The following ST6GAL2 variants were observed in gnomAD, a reference collection of about 807,000 sequenced individuals.
ST6GAL2 encodes ST6 beta-galactoside alpha-2,6-sialyltransferase 2, also known as beta-galactoside alpha-2,6-sialyltransferase 2.
A neutral mutation model predicts 37.5 loss-of-function variants in ST6GAL2; 24 were observed. The ratio of observed to expected loss-of-function variants is 0.64; its 90% CI spans 0.46 to 0.90. The LOEUF is 0.90. ST6GAL2 is among the 40% of genes least tolerant of loss of function. The pLI, the probability that ST6GAL2 is intolerant of heterozygous loss-of-function variation, is 0.00. For missense variants in ST6GAL2, 715 were observed against 712.7 expected (o/e 1.00, Z -0.04); for synonymous variants, 306 against 295.1 (o/e 1.04, Z -0.38).
chr2:106,830,138 G>C lies in ST6GAL2; in HGVS notation c.1246C>G (p.Gln416Glu). 2 of 1,613,962 alleles carry C rather than the reference G, an allele frequency of 1.2e-6. No individual in the cohort carries two copies. The highest frequency in any genetic ancestry group is 2.2e-5 in the East Asian group (1 of 44,870). Residue 416 changes from glutamine (Q) to glutamate (E), a missense_variant, in exon 5 of 6, where the codon CAG becomes GAG. Gln to Glu is a conservative substitution (Grantham distance 29). Around this residue, in one of 3 missense-constraint regions of ST6GAL2, gnomAD observed 198 missense variants for 203.6 expected, o/e 0.97. Transcript: ENST00000409382. ...FYILHPKFIW[Q>E]LWDIIQENTK... ...TTCTCCTGGATAATATCCCAGAGCT[G>C]CCATATAAATTTAGGATGAAGAATG...
chr2:106,887,012 TC>T (rs1679032005), upstream of ST6GAL2: 1 of 152,204 alleles, frequency 6.6e-6, no homozygotes, highest in Non-Finnish European at 1.5e-5. Flanking sequence ...CCTGGACACC[TC>T]CGGGGCACTC....
At chr2:106,813,130 T>C in intron 5 of ST6GAL2, 2 of 1,226,570 alleles carry the variant, frequency 1.6e-6, no homozygotes, top group Non-Finnish European at 1.0e-6. Flanking sequence ...TTTTTTTTTT[T>C]GAGATGGAGT....
Position 106,806,525 on chromosome 2 carries a change from T to C in ST6GAL2, c.*153A>G. On this transcript the variant is annotated 3_prime_UTR_variant, in exon 6 of 6. Coordinates refer to ENST00000409382, the MANE Select transcript of ST6GAL2 (RefSeq NM_001142351.2). ...GTTCAAAGCAGTAATACATACTCAA[T>C]GGCTTAGAAAGAGAAGGATTATCAT... 2 of 871,708 alleles carry C rather than the reference T, an allele frequency of 2.3e-6. No individual in the cohort carries two copies. The highest frequency in any genetic ancestry group is 1.7e-5 in the South Asian group (1 of 57,410). 54.0% of individuals were successfully genotyped at this position (871,708 alleles called of 1,614,324 possible). A position where few individuals can be genotyped will look rare whatever the true frequency, so the allele number is the denominator to read the frequency against.
Position 106,876,022 on chromosome 2 carries a change from T to C in ST6GAL2, c.-58+10071A>G, listed in dbSNP as rs147235095. Among the ~76,000 whole-genome samples, 5 of 152,330 alleles carry C rather than the reference T, an allele frequency of 3.3e-5. No individual in the cohort carries two copies. In the East Asian group the frequency reaches 9.7e-4, roughly 29 times the overall value. ...GTTCTGTCCCCAGGCTGAAATGCAC[T>C]GGAACAATCATAGCTCACTGCAATC... On this transcript the variant is annotated intron_variant, in intron 1 of 5. Transcript: ENST00000409382.
intron 1 of ST6GAL2, among the ~76,000 whole-genome samples, chr2:106,877,453 T>A (rs760876487): frequency 6.6e-6 from 1 of 152,252 alleles, no homozygotes; most frequent in African/African-American, 2.4e-5. Flanking sequence ...CGCCCAAGCG[T>A]CTGAACACAT....
intron 1 of ST6GAL2, among the ~76,000 whole-genome samples, chr2:106,861,764 G>A (rs1677809005): frequency 6.6e-6 from 1 of 151,684 alleles, no homozygotes; most frequent in South Asian, 2.1e-4. Flanking sequence ...CCGAATAGCC[G>A]GGATTCCAGG....
Position 106,834,071 on chromosome 2 carries a change from G to C in ST6GAL2, c.1019C>G (p.Thr340Ser). ...TACCTGCGAATTAATGATGCGTATG[G>C]TGGTTTTATTCCCAACATCTTTCTC... ...GYEKDVGNKT[T>S]IRIINSQILT... is the part of the protein sequence containing the mutation. Residue 340 changes from threonine to serine, a missense_variant, in exon 3 of 6, where the codon ACC becomes AGC. Thr to Ser is a moderately conservative substitution (Grantham distance 58, BLOSUM62 1). Coordinates refer to ENST00000409382, the MANE Select transcript of ST6GAL2 (RefSeq NM_001142351.2). 6.2e-7 allele frequency: 1 copy of C among 1,613,290 alleles called. No homozygotes were observed. Among genetic ancestry groups the C allele is most frequent in the Non-Finnish European group, 8.5e-7 (1 of 1,179,358 alleles).
chr2:106,876,581 A>C (rs1013020618), intron 1 of ST6GAL2, among the ~76,000 whole-genome samples: 4 of 152,200 alleles, frequency 2.6e-5, no homozygotes, highest in African/African-American at 9.6e-5. Context: ...TATAAATCAG[A>C]ATAGTGAGTA....
chr2:106,802,012 G>C lies in ST6GAL2; in HGVS notation c.*4666C>G, dbSNP rs936793716. 6.6e-6 allele frequency: 1 copy of C among 152,198 alleles called. No individual in the cohort carries two copies. The highest frequency in any genetic ancestry group is 1.5e-5 in the Non-Finnish European group (1 of 68,034). The allele number at this position is 152,198 out of a possible 1,614,324, so 9.4% of individuals were successfully genotyped here. A position where few individuals can be genotyped will look rare whatever the true frequency, so the allele number is the denominator to read the frequency against. On this transcript the variant is annotated 3_prime_UTR_variant, in exon 6 of 6. Coordinates refer to ENST00000409382, the MANE Select transcript of ST6GAL2 (RefSeq NM_001142351.2). ...TTTGAAAGCCATGAGCTACAGCTAA[G>C]CTTCCCTTCAAAGTTCAGTGTTAAA... is the stretch of plus-strand genomic sequence containing the variant.
At chr2:106,837,406 C>A (rs368766153) in intron 2 of ST6GAL2, among the ~76,000 whole-genome samples, 11 of 152,320 alleles carry the variant, frequency 7.2e-5, no homozygotes, top group African/African-American at 2.6e-4. Context: ...ACCACCAGTG[C>A]AAATGTCAAC....
intron 1 of ST6GAL2, among the ~76,000 whole-genome samples, chr2:106,873,060 A>T (rs1381710854): frequency 1.3e-5 from 2 of 152,212 alleles, no homozygotes; most frequent in Non-Finnish European, 2.9e-5. Context: ...GAAGGATGTG[A>T]GTCTGGGAAG....
intron 1 of ST6GAL2, among the ~76,000 whole-genome samples, chr2:106,883,670 C>T (rs1396216595): frequency 6.6e-6 from 1 of 152,098 alleles, no homozygotes; most frequent in Non-Finnish European, 1.5e-5. Flanking sequence ...TTCCCTTAGA[C>T]ATTTATGCAT....
chr2:106,866,471 G>A (rs1294812780), intron 1 of ST6GAL2, among the ~76,000 whole-genome samples: 2 of 152,160 alleles, frequency 1.3e-5, no homozygotes, highest in East Asian at 3.9e-4. Flanking sequence ...ATGAGCACAG[G>A]ACTCTGGTGA....
At chr2:106,825,990 T>C (rs1676185933) in intron 5 of ST6GAL2, among the ~76,000 whole-genome samples, 1 of 152,178 alleles carries the variant, frequency 6.6e-6, no homozygotes, top group South Asian at 2.1e-4. Context: ...CTCAGTAACT[T>C]CTCCCTGGGA....
chr2:106,843,055 G>C lies in ST6GAL2; in HGVS notation c.923C>G (p.Ser308Cys), dbSNP rs1676962430. 1.4e-6 allele frequency: 2 copies of C among 1,462,168 alleles called. No homozygotes were observed. The highest frequency in any genetic ancestry group is 1.8e-6 in the Non-Finnish European group (2 of 1,105,890). The allele number at this position is 1,462,168 out of a possible 1,614,324, so 90.6% of individuals were successfully genotyped here. A position where few individuals can be genotyped will look rare whatever the true frequency, so the allele number is the denominator to read the frequency against. The change falls in exon 2 of 6, where the codon TCT (serine) becomes TGT (cysteine). Residue 308 changes from serine (S) to cysteine (C), a missense_variant. By Grantham distance (112) the Ser-to-Cys change is moderately radical (BLOSUM62 -1). This residue lies in a region of ST6GAL2 where 512 missense variants were observed against 488.8 expected (regional missense o/e 1.05). Coordinates refer to ENST00000409382, the MANE Select transcript of ST6GAL2 (RefSeq NM_001142351.2). ...CCTACCTATTTCCTCGCCCAAGGAA[G>C]AGTTGAGGATTGCGCCTGCAGACAT... is the stretch of plus-strand genomic sequence containing the variant. ...VVMSAGAILN[S>C]SLGEEIDSHD... is the part of the protein sequence containing the mutation.
intron 1 of ST6GAL2, among the ~76,000 whole-genome samples, chr2:106,851,865 C>G (rs1185587377): frequency 3.3e-5 from 5 of 152,196 alleles, no homozygotes; most frequent in Middle Eastern, 3.4e-3. Flanking sequence ...TGGTGAGATA[C>G]TCGTGTATCT....
At chr2:106,850,847 G>A (rs930087300) in intron 1 of ST6GAL2, among the ~76,000 whole-genome samples, 1 of 152,228 alleles carries the variant, frequency 6.6e-6, no homozygotes, top group African/African-American at 2.4e-5. Flanking sequence ...GAAAGTCGTC[G>A]GTAATACTCA....
At chr2:106,823,486 CAGAGAG>C (rs1553417620) in intron 5 of ST6GAL2, among the ~76,000 whole-genome samples, 16 of 117,892 alleles carry the variant, frequency 1.4e-4, no homozygotes, top group African/African-American at 5.2e-4. Context: ...CACACACACA[CAGAGAG>C]AGAGAGAGAG....
At chr2:106,819,572 G>A (rs1025155846) in intron 5 of ST6GAL2, among the ~76,000 whole-genome samples, 5 of 151,832 alleles carry the variant, frequency 3.3e-5, no homozygotes, top group African/African-American at 1.2e-4. Flanking sequence ...AAAACTGAGC[G>A]ATTTCAACAA....
Sources: gnomAD v4.1 joint callset for allele counts (sites outside exome capture counted in the v4.1 genomes callset) on GRCh38, gnomAD v4.1.1 for gene constraint, gnomAD v4.1.1 regional missense constraint, MANE v1.5 for transcripts, NCBI Gene and HGNC (gene_info 2026-07-23, HGNC 2026-07-21) for gene names.